The following CDH20 variants were observed in gnomAD, a reference collection of about 807,000 sequenced individuals.
CDH20 encodes the protein cadherin 20.
Under a neutral mutation model 74.2 loss-of-function variants are expected in CDH20, and 29 were observed. The observed-to-expected ratio is 0.39, with a 90% CI of 0.29 to 0.53. The LOEUF (loss-of-function observed/expected upper bound fraction) is 0.53, where lower values mean the gene tolerates loss of function less well. CDH20 is among the 20% of genes least tolerant of loss of function. CDH20 has a pLI of 0.69. For missense variants in CDH20, 988 were observed against 1,048.3 expected (o/e 0.94, Z 0.79); for synonymous variants, 469 against 405.4 (o/e 1.16, Z -1.88).
intron 1 of CDH20, among the ~76,000 whole-genome samples, chr18:61,348,118 C>A (rs1011274463): frequency 4.6e-5 from 7 of 152,124 alleles, no homozygotes; most frequent in African/African-American, 1.7e-4. Context: ...GGGGGGTGGT[C>A]CACTGGAACA....
At chr18:61,344,735 T>A (rs1420627345) in intron 1 of CDH20, among the ~76,000 whole-genome samples, 1 of 152,200 alleles carries the variant, frequency 6.6e-6, no homozygotes, top group East Asian at 1.9e-4. Flanking sequence ...GCATTTCAGA[T>A]GCTGTTCTAT....
In CDH20 at chr18:61,386,048, T is replaced by C. The variant is rs114976770; in HGVS notation, c.-153+52221T>C. Among the ~76,000 whole-genome samples, 1,402 of 152,318 alleles carry C rather than the reference T, an allele frequency of 9.2e-3. 19 individuals carry two copies. The highest frequency in any genetic ancestry group is 0.032 in the African/African-American group (1,322 of 41,576). On this transcript the variant is annotated intron_variant, in intron 1 of 11. Transcript: ENST00000262717. ...ATCTTAAAAAATAAGGTATGCTTTA[T>C]ACCTACCAAAATAGCAAACATTTCA...
intron 1 of CDH20, among the ~76,000 whole-genome samples, chr18:61,335,399 G>A (rs1462968524): frequency 6.6e-6 from 1 of 152,134 alleles, no homozygotes; most frequent in African/African-American, 2.4e-5. Flanking sequence ...GCTGGGCGAG[G>A]GTGTGGGAGA....
intron 1 of CDH20, among the ~76,000 whole-genome samples, chr18:61,442,598 G>A (rs946519687): frequency 2.0e-5 from 3 of 152,096 alleles, no homozygotes; most frequent in African/African-American, 7.2e-5. Context: ...AAACCAATGG[G>A]AAAATGGCAT....
intron 1 of CDH20, among the ~76,000 whole-genome samples, chr18:61,398,700 T>C (rs1912065230): frequency 6.6e-6 from 1 of 152,218 alleles, no homozygotes; most frequent in Admixed American, 6.5e-5. Context: ...CTCCTGAGTA[T>C]ATACTTTTCT....
intron 1 of CDH20, among the ~76,000 whole-genome samples, chr18:61,467,155 A>G (rs1909990103): frequency 6.6e-6 from 1 of 152,166 alleles, no homozygotes; most frequent in Admixed American, 6.5e-5. Context: ...GTATATATAT[A>G]TATAATGATC....
At chr18:61,365,119 T>A (rs1372049072) in intron 1 of CDH20, among the ~76,000 whole-genome samples, 1 of 152,192 alleles carries the variant, frequency 6.6e-6, no homozygotes, top group African/African-American at 2.4e-5. Flanking sequence ...ACATACACTG[T>A]CTAGGAGCAG....
chr18:61,469,928 G>T (rs1474598052), intron 1 of CDH20, among the ~76,000 whole-genome samples: 5 of 152,282 alleles, frequency 3.3e-5, no homozygotes, highest in African/African-American at 1.2e-4. Flanking sequence ...GGGAAAAAAA[G>T]AAAGTGTAAC....
Position 61,507,432 on chromosome 18 carries a change from T to C in CDH20, c.889T>C (p.Phe297Leu). Residue 297 changes from phenylalanine to leucine, a missense_variant, in exon 6 of 12, where the codon TTT becomes CTT. Physicochemically the swap from Phe to Leu is conservative, Grantham distance 22. Around this residue, in one of 2 missense-constraint regions of CDH20, gnomAD observed 613 missense variants for 755.2 expected, o/e 0.81. Transcript: ENST00000262717. ...AATTAGCTCCACTGTCGGGAGAGTG[T>C]TTGCCAAGGACTTGGATGAAGGCAT... Reference protein sequence around the residue: ...APISSTVGRVFAKDLDEGINA... With the variant: ...APISSTVGRVLAKDLDEGINA... 1 of 1,614,020 alleles carries C rather than the reference T, an allele frequency of 6.2e-7. No homozygotes were observed. The highest frequency in any genetic ancestry group is 1.3e-5 in the African/African-American group (1 of 75,018).
At chr18:61,397,482 C>T (rs1036176258) in intron 1 of CDH20, among the ~76,000 whole-genome samples, 2 of 152,146 alleles carry the variant, frequency 1.3e-5, no homozygotes, top group African/African-American at 4.8e-5. Flanking sequence ...CCCGGGCTGG[C>T]TCCTTTTAAC....
At chr18:61,451,616 G>T (rs150956480) in intron 1 of CDH20, among the ~76,000 whole-genome samples, 186 of 152,166 alleles carry the variant, frequency 1.2e-3, no homozygotes, top group African/African-American at 4.1e-3. Context: ...ATTTATACAA[G>T]GGTGAGAAAT....
At chr18:61,395,559 C>T (rs1911935956) in intron 1 of CDH20, among the ~76,000 whole-genome samples, 1 of 152,146 alleles carries the variant, frequency 6.6e-6, no homozygotes, top group African/African-American at 2.4e-5. Flanking sequence ...CACTGATGCC[C>T]CTGGTCACAT....
At chr18:61,345,298 C>A (rs557802348) in intron 1 of CDH20, among the ~76,000 whole-genome samples, 19 of 152,240 alleles carry the variant, frequency 1.2e-4, no homozygotes, top group African/African-American at 3.9e-4. Flanking sequence ...GGAGCCCAAG[C>A]ACTTGTCATA....
chr18:61,444,239 G>C (rs1471281059), intron 1 of CDH20, among the ~76,000 whole-genome samples: 1 of 152,074 alleles, frequency 6.6e-6, no homozygotes, highest in Non-Finnish European at 1.5e-5. Flanking sequence ...CTAATACATA[G>C]TAGATACTCA....
chr18:61,447,349 G>T (rs2144330280), intron 1 of CDH20, among the ~76,000 whole-genome samples: 1 of 152,198 alleles, frequency 6.6e-6, no homozygotes, highest in East Asian at 1.9e-4. Context: ...GATAGCTAAA[G>T]CCACTGGTTG....
At chr18:61,371,022 T>C (rs772067158) in intron 1 of CDH20, among the ~76,000 whole-genome samples, 1 of 152,064 alleles carries the variant, frequency 6.6e-6, no homozygotes, top group Non-Finnish European at 1.5e-5. Flanking sequence ...AAAGGAACAT[T>C]TTTAATACAA....
At chr18:61,471,271 A>ATCTG (rs1271566239) in intron 1 of CDH20, among the ~76,000 whole-genome samples, 3 of 152,200 alleles carry the variant, frequency 2.0e-5, no homozygotes, top group African/African-American at 7.2e-5. Context: ...AAATGCCCTC[A>ATCTG]TCTGTCTCCC....
intron 1 of CDH20, among the ~76,000 whole-genome samples, chr18:61,423,602 T>C (rs1912967224): frequency 6.6e-6 from 1 of 152,066 alleles, no homozygotes; most frequent in South Asian, 2.1e-4. Context: ...ATTTAATAGA[T>C]CTATGCTACA....
rs997221186 is a variant in CDH20, at chr18:61,353,944, A to C, written c.-153+20117A>C. Among the ~76,000 whole-genome samples, 1 of 151,750 alleles carries C rather than the reference A, an allele frequency of 6.6e-6. No individual in the cohort carries two copies. Among genetic ancestry groups the C allele is most frequent in the East Asian group, 1.9e-4 (1 of 5,152 alleles). ...CAAAAATACAAAATATTAGTTGGGC[A>C]TGGTGGCGTGCACCTGTGGTCCCAG... is the stretch of plus-strand genomic sequence containing the variant. On this transcript the variant is annotated intron_variant, in intron 1 of 11. Coordinates refer to ENST00000262717, the MANE Select transcript of CDH20 (RefSeq NM_031891.4). This position sits in a 1 kb window ranked among gnomAD's most constrained non-coding sequence, Gnocchi z 4.6.
Sources: allele counts gnomAD v4.1 joint callset (sites outside exome capture counted in the v4.1 genomes callset), GRCh38; gene constraint gnomAD v4.1.1; regional missense constraint gnomAD v4.1.1; non-coding constraint Gnocchi (gnomAD v3.1); transcripts MANE v1.5; gene names NCBI Gene and HGNC (gene_info 2026-07-23, HGNC 2026-07-21).